Variants in PZP observed in about 807,000 individuals in gnomAD.
The protein encoded by PZP is pregnancy zone protein.
Under a neutral mutation model 179.8 loss-of-function variants are expected in PZP, and 150 were observed. That is an observed-to-expected ratio of 0.83 (90% CI 0.73 to 0.96). The LOEUF is 0.96. Among genes scored for constraint, PZP ranks in the 40% least tolerant of loss-of-function variants. The pLI is 0.00. For missense variants in PZP, 1,689 were observed against 1,764.0 expected (o/e 0.96, Z 0.76); for synonymous variants, 624 against 652.3 (o/e 0.96, Z 0.66).
the PZP span, among the ~76,000 whole-genome samples, chr12:9,137,679 A>C: frequency 6.6e-6 from 1 of 151,964 alleles, no homozygotes; most frequent in Non-Finnish European, 1.5e-5. Flanking sequence ...TTTTTATTTA[A>C]TTGTGTCTTA....
intron 7 of PZP, among the ~76,000 whole-genome samples, chr12:9,199,548 G>GGAAA (rs1394696465): frequency 6.6e-6 from 1 of 151,976 alleles, no homozygotes; most frequent in African/African-American, 2.4e-5. Flanking sequence ...ATTGCCCAGA[G>GGAAA]GAAAGATTAG....
chr12:9,158,341 T>C, intron 26 of PZP, 79 bp downstream of exon 26: 1 of 1,544,950 alleles, frequency 6.5e-7, no homozygotes, highest in Non-Finnish European at 8.8e-7. Context: ...GCAATTTCCT[T>C]GTGCCTCCTT....
chr12:9,205,345 TG>T (rs1944394071), intron 1 of PZP, among the ~76,000 whole-genome samples: 1 of 152,142 alleles, frequency 6.6e-6, no homozygotes, highest in Non-Finnish European at 1.5e-5. Flanking sequence ...TGAAATCCCA[TG>T]GGCTGAAAGA....
Position 9,163,739 on chromosome 12 carries a change from A to G in PZP, c.2665T>C (p.Cys889Arg). The G allele has an allele frequency of 6.2e-7, 1 of 1,613,916 alleles. No homozygotes were observed. The highest frequency in any genetic ancestry group is 1.3e-5 in the African/African-American group (1 of 75,006). ...GGGACCTCAACAACCTCATTTCCAC[A>G]GAGTTCTAAGGACTGCATTGCCTCT... Reference protein sequence around the residue: ...SAEAMQSLELCGNEVVEVPEI... With the variant: ...SAEAMQSLELRGNEVVEVPEI... The change falls in exon 21 of 36, where the codon TGT becomes CGT. Residue 889 changes from cysteine to arginine, a missense_variant. Cys to Arg is a radical substitution (Grantham distance 180). This residue lies in a region of PZP where 746 missense variants were observed against 749.2 expected (regional missense o/e 1.00). Coordinates refer to ENST00000261336, the MANE Select transcript of PZP (RefSeq NM_002864.3).
At chr12:9,185,468 C>A (rs994162794) in intron 13 of PZP, among the ~76,000 whole-genome samples, 6 of 152,086 alleles carry the variant, frequency 3.9e-5, no homozygotes, top group Admixed American at 3.9e-4. Flanking sequence ...TCCTTGATAT[C>A]CTTGAAAGAG....
In PZP at chr12:9,178,148, G is replaced by T. The variant is rs1006120438; in HGVS notation, c.1839+2835C>A. ...CCCAATCTGCGGTTTTGGTTTCCAA[G>T]ATTTCCATTATCTGTGGTCAACTGT... On this transcript the variant is annotated intron_variant, in intron 15 of 35. Coordinates refer to ENST00000261336, the MANE Select transcript of PZP (RefSeq NM_002864.3). 2.0e-5 allele frequency among the ~76,000 whole-genome samples: 3 copies of T among 152,308 alleles called. No individual in the cohort carries two copies. The South Asian group carries it at 6.2e-4, about 32-fold the overall frequency.
downstream of PZP, among the ~76,000 whole-genome samples, chr12:9,144,727 G>T (rs921107921): frequency 6.6e-6 from 1 of 152,154 alleles, no homozygotes; most frequent in African/African-American, 2.4e-5. Flanking sequence ...GTTTATTGTG[G>T]GGTTGGAATG....
intron 32 of PZP, 137 bp downstream of exon 32, chr12:9,152,083 A>G: frequency 1.4e-6 from 1 of 705,242 alleles, no homozygotes; most frequent in South Asian, 1.7e-5. Flanking sequence ...TAAATAGTTC[A>G]TTTACTTCCT....
At chr12:9,185,658 GA>G (rs34858682) in intron 13 of PZP, among the ~76,000 whole-genome samples, 82 of 149,898 alleles carry the variant, frequency 5.5e-4, no homozygotes, top group African/African-American at 1.2e-3. Context: ...TGAAATGAAT[GA>G]AAAAAAAAAA....
intron 17 of PZP, chr12:9,168,657 G>A: frequency 2.2e-6 from 1 of 446,450 alleles, no homozygotes; most frequent in Non-Finnish European, 3.9e-6. Flanking sequence ...ATCTGATTTT[G>A]TGCCCTGAAG....
chr12:9,162,895 A>T (rs192730856), intron 21 of PZP, among the ~76,000 whole-genome samples: 1 of 152,266 alleles, frequency 6.6e-6, no homozygotes, highest in African/African-American at 2.4e-5. Context: ...TAAGCCCAGC[A>T]TCCACTAGCT....
downstream of PZP, among the ~76,000 whole-genome samples, chr12:9,145,319 C>T (rs1036737126): frequency 1.3e-5 from 2 of 151,960 alleles, no homozygotes; most frequent in Non-Finnish European, 2.9e-5. Context: ...ATTTTTAAAT[C>T]TCTGTCTTTT....
chr12:9,137,873 T>A, the PZP span, among the ~76,000 whole-genome samples: 1 of 152,132 alleles, frequency 6.6e-6, no homozygotes, highest in Non-Finnish European at 1.5e-5. Flanking sequence ...TTTTGTAGCT[T>A]GCAATCTTAC....
At chr12:9,142,318 A>G in the PZP span, among the ~76,000 whole-genome samples, 1 of 152,172 alleles carries the variant, frequency 6.6e-6, no homozygotes, top group South Asian at 2.1e-4. Flanking sequence ...TTTATTAAAA[A>G]ATTACACAAG....
rs779622352 is a variant in PZP at position 9,208,252 on chromosome 12, GACTT to G, written c.83+3_83+6del. ...CTCTGGAGGAAGGGGTCTTGAGTGA[GACTT>G]ACGGTTCTGTAGAGTTTGAGTCACT... is the stretch of plus-strand genomic sequence containing the variant. On this transcript the variant is annotated splice_donor_5th_base_variant and intron_variant, in intron 1 of 35. Coordinates refer to ENST00000261336, the MANE Select transcript of PZP (RefSeq NM_002864.3). The G allele has an allele frequency of 6.2e-7, 1 of 1,609,852 alleles. No individual in the cohort carries two copies. The highest frequency in any genetic ancestry group is 8.5e-7 in the Non-Finnish European group (1 of 1,176,170).
intron 15 of PZP, among the ~76,000 whole-genome samples, chr12:9,179,111 AT>A (rs1013655650): frequency 6.6e-6 from 1 of 152,104 alleles, no homozygotes; most frequent in African/African-American, 2.4e-5. Context: ...TCATAACATT[AT>A]TTTTTCTTGC....
chr12:9,159,560 G>C (rs1941016844), intron 25 of PZP, among the ~76,000 whole-genome samples: 1 of 151,970 alleles, frequency 6.6e-6, no homozygotes, highest in Non-Finnish European at 1.5e-5. Context: ...TAGATTAAAG[G>C]GCTATCATGA....
chr12:9,166,577 T>A (rs1941601157), intron 17 of PZP, among the ~76,000 whole-genome samples: 1 of 152,080 alleles, frequency 6.6e-6, no homozygotes, highest in South Asian at 2.1e-4. Context: ...ACATTGAGAG[T>A]GGTTGCTATA....
At chr12:9,171,149 C>T (rs1941970737) in intron 15 of PZP, among the ~76,000 whole-genome samples, 1 of 152,196 alleles carries the variant, frequency 6.6e-6, no homozygotes, top group Non-Finnish European at 1.5e-5. Flanking sequence ...GAGGAAGGCA[C>T]AGGCTGCCAT....
Sources: gnomAD v4.1 joint callset for allele counts (sites outside exome capture counted in the v4.1 genomes callset) on GRCh38, gnomAD v4.1.1 for gene constraint, gnomAD v4.1.1 regional missense constraint, MANE v1.5 for transcripts, NCBI Gene and HGNC (gene_info 2026-07-23, HGNC 2026-07-21) for gene names.